CHAT: variants seen among roughly 807,000 people sequenced by gnomAD.
CHAT encodes acetyl CoA:choline O-acetyltransferase.
CHAT carries 61 observed loss-of-function variants against 76.9 expected under a neutral mutation model. The observed-to-expected ratio is 0.79, with a 90% CI of 0.65 to 0.98. The LOEUF (loss-of-function observed/expected upper bound fraction) is 0.98, where lower values mean the gene tolerates loss of function less well. CHAT is among the 50% of genes least tolerant of loss of function. The probability of loss-of-function intolerance (pLI) is 0.00; values close to 1 mark genes in which losing one functional copy is unlikely to be tolerated. For synonymous variants in CHAT, 407 were observed against 397.4 expected, an observed-to-expected ratio of 1.02 and a Z score of -0.29; for missense variants, 946 against 986.9, an observed-to-expected ratio of 0.96 and a Z score of 0.56.
chr10:49,610,795 G>A, upstream of CHAT: 2 of 1,588,150 alleles, frequency 1.3e-6, no homozygotes, highest in Non-Finnish European at 1.7e-6. Flanking sequence ...CAAGCTGTCG[G>A]AGGCTGTGGG....
intron 7 of CHAT, among the ~76,000 whole-genome samples, chr10:49,636,119 G>T (rs189905905): frequency 6.6e-6 from 1 of 151,928 alleles, no homozygotes; most frequent in Non-Finnish European, 1.5e-5. Flanking sequence ...ATAGTCTTTC[G>T]CCTTTAAATA....
upstream of CHAT, chr10:49,611,115 G>A (rs1425771056): frequency 3.1e-6 from 5 of 1,614,150 alleles, no homozygotes; most frequent in Non-Finnish European, 4.2e-6. Context: ...TGAAGATCGG[G>A]GTGCTGTTTG....
upstream of CHAT, chr10:49,611,359 G>A: frequency 1.2e-6 from 2 of 1,600,558 alleles, no homozygotes; most frequent in Non-Finnish European, 1.7e-6. Context: ...GTACCCGGAG[G>A]AGCCGGAGCG....
intron 7 of CHAT, among the ~76,000 whole-genome samples, chr10:49,638,053 C>G (rs1839353891): frequency 1.3e-5 from 2 of 152,184 alleles, no homozygotes; most frequent in Admixed American, 1.3e-4. Context: ...TCTCCAAGTA[C>G]AATTGTGGAT....
At chr10:49,653,973 TC>T (rs1448084871) in intron 11 of CHAT, among the ~76,000 whole-genome samples, 1 of 152,264 alleles carries the variant, frequency 6.6e-6, no homozygotes, top group African/African-American at 2.4e-5. Flanking sequence ...AGCCAGAGGC[TC>T]CTGGGTTCAT....
intron 10 of CHAT, among the ~76,000 whole-genome samples, chr10:49,649,902 A>C (rs1486034944): frequency 3.3e-5 from 4 of 120,858 alleles, no homozygotes; most frequent in Non-Finnish European, 4.7e-5. Context: ...TTTCAGTTTC[A>C]CCTGACTGAG....
chr10:49,656,791 C>G (rs1256441889), intron 13 of CHAT, among the ~76,000 whole-genome samples: 1 of 152,016 alleles, frequency 6.6e-6, no homozygotes, highest in Non-Finnish European at 1.5e-5. Context: ...TGCTGAGAGG[C>G]AGAGTTGCTG....
intron 10 of CHAT, among the ~76,000 whole-genome samples, chr10:49,651,203 A>G (rs6537545): frequency 0.38 from 57,461 of 151,172 alleles, 11,736 homozygotes; most frequent in South Asian, 0.48. Flanking sequence ...AGGTCTAAGG[A>G]GCGAGTACTC....
At chr10:49,628,501 G>A (rs981891225) in intron 7 of CHAT, among the ~76,000 whole-genome samples, 2 of 152,142 alleles carry the variant, frequency 1.3e-5, no homozygotes, top group Non-Finnish European at 2.9e-5. Flanking sequence ...ATCTGTTACT[G>A]AGGGCCCTGG....
intron 8 of CHAT, chr10:49,646,964 GGGCC>G: frequency 2.0e-6 from 1 of 497,558 alleles, no homozygotes; most frequent in Non-Finnish European, 3.7e-6. Flanking sequence ...AGGAAGGTCT[GGGCC>G]AGACCTGGGG....
At chr10:49,633,423 G>A (rs1194894809) in intron 7 of CHAT, among the ~76,000 whole-genome samples, 2 of 152,136 alleles carry the variant, frequency 1.3e-5, no homozygotes, top group African/African-American at 4.8e-5. Context: ...CTGAACCGAG[G>A]AAGAGGCTAT....
rs1383380017 is a variant in CHAT at position 49,665,518 on chromosome 10, G to A, written c.*472G>A. Reference sequence around the variant, plus strand: ...TCTTTTCTTTTTTGGGGGAGAGGAGGCTGTGTTTTGAGATTCAGAGCATTC... The same window carrying A: ...TCTTTTCTTTTTTGGGGGAGAGGAGACTGTGTTTTGAGATTCAGAGCATTC... On this transcript the variant is annotated 3_prime_UTR_variant, in exon 15 of 15. Transcript: ENST00000337653. Among the ~76,000 whole-genome samples the A allele has an allele frequency of 1.3e-5, 2 of 152,052 alleles. No individual in the cohort carries two copies. Among genetic ancestry groups the A allele is most frequent in the Admixed American group, 1.3e-4 (2 of 15,274 alleles).
chr10:49,654,986 G>A, intron 11 of CHAT, 109 bp from the exon 12 acceptor site: 1 of 1,146,938 alleles, frequency 8.7e-7, no homozygotes, highest in Non-Finnish European at 1.3e-6. Context: ...ATTCTGCCAA[G>A]TCAAGTCAGG....
Position 49,627,636 on chromosome 10 carries a change from T to C in CHAT, c.962T>C (p.Phe321Ser). The C allele has an allele frequency of 6.2e-7, 1 of 1,614,166 alleles. No homozygotes were observed. The highest frequency in any genetic ancestry group is 8.5e-7 in the Non-Finnish European group (1 of 1,179,988). The change falls in exon 7 of 15, where the codon TTC becomes TCC. Residue 321 changes from phenylalanine to serine, a missense_variant. By Grantham distance (155) the Phe-to-Ser change is radical (BLOSUM62 -2). This residue lies in a region of CHAT where 548 missense variants were observed against 516.2 expected (regional missense o/e 1.06). Coordinates refer to ENST00000337653, the MANE Select transcript of CHAT (RefSeq NM_020549.5). ...TTTGTCTTGGATGTTGTCATTAATT[T>C]CCGCCGTCTCAGTGAGGGGGATCTG... The part of the protein sequence containing the change: ...QFFVLDVVIN[F>S]RRLSEGDLFT...
intron 7 of CHAT, among the ~76,000 whole-genome samples, chr10:49,644,471 G>A (rs906230424): frequency 1.3e-5 from 2 of 152,172 alleles, no homozygotes; most frequent in African/African-American, 4.8e-5. Flanking sequence ...TTTATGCTTA[G>A]ATCCTCAGGG....
At chr10:49,619,252 G>A (rs2132709033) in intron 2 of CHAT, among the ~76,000 whole-genome samples, 1 of 152,306 alleles carries the variant, frequency 6.6e-6, no homozygotes, top group East Asian at 1.9e-4. Flanking sequence ...TCTAAATTAA[G>A]AGTCACCAGC....
intron 1 of CHAT, chr10:49,615,954 T>A: frequency 7.3e-7 from 1 of 1,367,132 alleles, no homozygotes; most frequent in Non-Finnish European, 1.0e-6. Flanking sequence ...CCCAGATGCA[T>A]CCTGGAGCAC....
At chr10:49,662,176 G>A (rs1022406732) in intron 13 of CHAT, among the ~76,000 whole-genome samples, 1 of 152,172 alleles carries the variant, frequency 6.6e-6, no homozygotes, top group African/African-American at 2.4e-5. Flanking sequence ...GTTGTGGTGG[G>A]AGTCTGTTCA....
intron 14 of CHAT, among the ~76,000 whole-genome samples, chr10:49,664,208 G>C (rs1394287475): frequency 6.6e-6 from 1 of 152,176 alleles, no homozygotes; most frequent in Non-Finnish European, 1.5e-5. Flanking sequence ...TCAGCACTCT[G>C]ATTCAAAACA....
Sources: allele counts gnomAD v4.1 joint callset (sites outside exome capture counted in the v4.1 genomes callset), GRCh38; gene constraint gnomAD v4.1.1; regional missense constraint gnomAD v4.1.1; transcripts MANE v1.5; gene names NCBI Gene and HGNC (gene_info 2026-07-23, HGNC 2026-07-21).